ZC3H11A: variants seen among roughly 807,000 people sequenced by gnomAD.
ZC3H11A encodes zinc finger CCCH-type containing 11A.
ZC3H11A carries 22 observed loss-of-function variants against 90.8 expected under a neutral mutation model. The observed-to-expected ratio is 0.24, with a 90% CI of 0.17 to 0.35. The LOEUF is 0.35. Among genes scored for constraint, ZC3H11A ranks in the 10% least tolerant of loss-of-function variants. The pLI, the probability that ZC3H11A is intolerant of heterozygous loss-of-function variation, is 1.00. For synonymous variants in ZC3H11A, 294 were observed against 339.8 expected, an observed-to-expected ratio of 0.87 and a Z score of 1.48; for missense variants, 701 against 964.9, an observed-to-expected ratio of 0.73 and a Z score of 3.62.
At chr1:203,803,860 G>A (rs1671285409) in intron 2 of ZC3H11A, among the ~76,000 whole-genome samples, 2 of 152,092 alleles carry the variant, frequency 1.3e-5, no homozygotes, top group African/African-American at 2.4e-5. Flanking sequence ...TCCTGCCTTG[G>A]CCAACCAGTG....
At chr1:203,814,317 A>G (rs2102707976) in intron 2 of ZC3H11A, among the ~76,000 whole-genome samples, 1 of 152,322 alleles carries the variant, frequency 6.6e-6, no homozygotes, top group African/African-American at 2.4e-5. Flanking sequence ...TGAGGTCAGA[A>G]GTTCAAGACC....
At chr1:203,814,730 A>G (rs1450221848) in intron 2 of ZC3H11A, among the ~76,000 whole-genome samples, 5 of 151,982 alleles carry the variant, frequency 3.3e-5, no homozygotes, top group African/African-American at 7.3e-5. Flanking sequence ...ATATTTTTAG[A>G]TTTTTTTGTT....
intron 1 of ZC3H11A, chr1:203,798,898 A>T (rs955994096): frequency 1.3e-6 from 2 of 1,536,124 alleles, no homozygotes; most frequent in Non-Finnish European, 1.7e-6. Flanking sequence ...GCTGTACCTC[A>T]GTTATATGAT....
intron 15 of ZC3H11A, 36 bp from the exon 16 acceptor site, chr1:203,850,479 T>G: frequency 6.2e-7 from 1 of 1,612,632 alleles, no homozygotes; most frequent in Non-Finnish European, 8.5e-7. Context: ...AAGAGTCTAT[T>G]CTCACTGCTT....
At chr1:203,843,230 T>G (rs1686966936) in intron 12 of ZC3H11A, among the ~76,000 whole-genome samples, 2 of 152,166 alleles carry the variant, frequency 1.3e-5, no homozygotes, top group African/African-American at 4.8e-5. Context: ...AAATCAGTAT[T>G]TATGATAATC....
intron 4 of ZC3H11A, among the ~76,000 whole-genome samples, chr1:203,819,212 TTTTC>T (rs200717658): frequency 0.099 from 14,748 of 149,364 alleles, 1,009 homozygotes; most frequent in Non-Finnish European, 0.14. Flanking sequence ...TGCAATTTTT[TTTTC>T]TTTCTTTTTA....
At position 203,818,064 on chromosome 1, in the gene ZC3H11A, A is replaced by G. The variant is rs371606039; in HGVS notation, c.55-506A>G. 1.2e-4 allele frequency among the ~76,000 whole-genome samples: 18 copies of G among 152,208 alleles called. 1 individual carries two copies. The highest frequency in any genetic ancestry group is 4.3e-4 in the African/African-American group (18 of 41,542). ...GCCCGGTGATATTATGTTTTAAATG[A>G]TGAGTTTTGAGCAAAGCTGTGATAA... On this transcript the variant is annotated intron_variant, in intron 3 of 17. Coordinates refer to ENST00000367210, the MANE Select transcript of ZC3H11A (RefSeq NM_001376342.1).
intron 12 of ZC3H11A, among the ~76,000 whole-genome samples, chr1:203,844,057 A>G (rs976377404): frequency 6.6e-6 from 1 of 151,758 alleles, no homozygotes; most frequent in East Asian, 1.9e-4. Context: ...GGGCTTCTCC[A>G]TGTTGGTCAG....
At chr1:203,806,438 A>G (rs1434176608) in intron 2 of ZC3H11A, among the ~76,000 whole-genome samples, 1 of 151,864 alleles carries the variant, frequency 6.6e-6, no homozygotes, top group East Asian at 1.9e-4. Flanking sequence ...AGTAGCTGGG[A>G]TTATAGGCAT....
Position 203,843,490 on chromosome 1 carries a change from A to G in ZC3H11A, c.1042+3116A>G, listed in dbSNP as rs373615106. On this transcript the variant is annotated intron_variant, in intron 12 of 17. Coordinates refer to ENST00000367210, the MANE Select transcript of ZC3H11A (RefSeq NM_001376342.1). The stretch of plus-strand genomic sequence containing the variant: ...GCTAACCTTCTGTGAGCTTTGTTCA[A>G]CTTTATTTTTTAGACAAGGAATTGA... 3.8e-3 allele frequency among the ~76,000 whole-genome samples: 586 copies of G among 152,228 alleles called. 2 individuals are homozygous for G. Among genetic ancestry groups the G allele is most frequent in the Middle Eastern group, 0.031 (9 of 294 alleles).
intron 2 of ZC3H11A, among the ~76,000 whole-genome samples, chr1:203,810,280 C>T (rs1034335466): frequency 6.6e-6 from 1 of 151,624 alleles, no homozygotes; most frequent in Non-Finnish European, 1.5e-5. Flanking sequence ...CTGGCCTTGC[C>T]GTTTTCTTGA....
chr1:203,840,759 G>A (rs943047057), intron 12 of ZC3H11A, among the ~76,000 whole-genome samples: 15 of 151,848 alleles, frequency 9.9e-5, no homozygotes, highest in East Asian at 3.9e-4. Flanking sequence ...TCAGCCTACC[G>A]AGTAGCTAGA....
chr1:203,796,277 T>A (rs1194774589), intron 1 of ZC3H11A: 1 of 396,402 alleles, frequency 2.5e-6, no homozygotes, highest in African/African-American at 2.1e-5. Context: ...ATTTACCTAC[T>A]CTCATTCCTC....
chr1:203,805,491 TAGAAG>T, intron 2 of ZC3H11A: 5 of 428,380 alleles, frequency 1.2e-5, no homozygotes, highest in Non-Finnish European at 2.3e-5. Context: ...AGGAAAAAAA[TAGAAG>T]AGCAATGTAA....
chr1:203,827,681 C>CAA (rs77923419), intron 4 of ZC3H11A, among the ~76,000 whole-genome samples: 2 of 86,288 alleles, frequency 2.3e-5, no homozygotes, highest in Non-Finnish European at 2.5e-5. Flanking sequence ...GACTCTGTCT[C>CAA]AAAAAAAAAA....
intron 12 of ZC3H11A, among the ~76,000 whole-genome samples, chr1:203,844,085 G>C (rs901819510): frequency 6.6e-6 from 1 of 152,074 alleles, no homozygotes; most frequent in Non-Finnish European, 1.5e-5. Flanking sequence ...TCGAACTCCC[G>C]ACCTCAGATG....
In ZC3H11A at chr1:203,852,257, A is replaced by G; in HGVS notation, c.2291A>G (p.Lys764Arg). Residue 764 changes from lysine to arginine, a missense_variant, in exon 18 of 18, where the codon AAG (lysine) becomes AGG (arginine). Around this residue, in one of 4 missense-constraint regions of ZC3H11A, gnomAD observed 91 missense variants for 86.8 expected, o/e 1.05. Transcript: ENST00000367210. ...TRRLSSASTG[K>R]PPLSVEDDFE... ...CGACTCAGCTCTGCCTCAACAGGAA[A>G]GCCCCCACTCTCTGTGGAGGATGAT... 3 of 1,613,718 alleles carry G rather than the reference A, an allele frequency of 1.9e-6. No individual in the cohort carries two copies. The highest frequency in any genetic ancestry group is 2.5e-6 in the Non-Finnish European group (3 of 1,179,822).
chr1:203,834,272 A>G (rs987845735), intron 10 of ZC3H11A, among the ~76,000 whole-genome samples: 2 of 152,028 alleles, frequency 1.3e-5, no homozygotes, highest in African/African-American at 4.8e-5. Flanking sequence ...GTGCTTGCTT[A>G]TTTATTTATT....
Position 203,837,852 on chromosome 1 carries a change from A to G in ZC3H11A, c.875-114A>G, listed in dbSNP as rs1263674481. ...AAGGAAGCTGGTGAACAAACACGCC[A>G]TATGTATGCAGAACACTTAACAGAA... On this transcript the variant is annotated intron_variant, in intron 10 of 17. Transcript: ENST00000367210. 4.3e-6 allele frequency: 4 copies of G among 932,090 alleles called. No individual in the cohort carries two copies. The East Asian group carries it at 7.5e-5, about 17-fold the overall frequency. 57.7% of individuals were successfully genotyped at this position (932,090 alleles called of 1,614,324 possible). A position where few individuals can be genotyped will look rare whatever the true frequency, so the allele number is the denominator to read the frequency against.
Sources: allele counts gnomAD v4.1 joint callset (sites outside exome capture counted in the v4.1 genomes callset), GRCh38; gene constraint gnomAD v4.1.1; regional missense constraint gnomAD v4.1.1; transcripts MANE v1.5; gene names NCBI Gene and HGNC (gene_info 2026-07-23, HGNC 2026-07-21).